The following SLC24A2 variants were observed in gnomAD, a reference collection of about 807,000 sequenced individuals.
SLC24A2 encodes solute carrier family 24 member 2.
In SLC24A2, 36 loss-of-function variants were observed where a neutral mutation model predicts 62.0. The ratio of observed to expected loss-of-function variants is 0.58; its 90% CI spans 0.44 to 0.77. SLC24A2 has a LOEUF of 0.77. SLC24A2 is among the 30% of genes least tolerant of loss of function. The pLI is 0.00. For missense variants in SLC24A2, 846 were observed against 817.9 expected (o/e 1.03, Z -0.42); for synonymous variants, 358 against 294.0 (o/e 1.22, Z -2.23).
At chr9:20,147,284 G>C in the SLC24A2 span, among the ~76,000 whole-genome samples, 1 of 152,220 alleles carries the variant, frequency 6.6e-6, no homozygotes, top group East Asian at 1.9e-4. Context: ...ATTTGAGATT[G>C]CCTCACCTCC....
intron 5 of SLC24A2, among the ~76,000 whole-genome samples, chr9:19,594,785 C>A (rs1051656469): frequency 2.6e-5 from 4 of 152,154 alleles, no homozygotes; most frequent in Admixed American, 2.6e-4. Flanking sequence ...ATATATTATT[C>A]TTATTTTCCA....
At chr9:19,763,653 G>C (rs1015119083) in intron 2 of SLC24A2, among the ~76,000 whole-genome samples, 2 of 152,162 alleles carry the variant, frequency 1.3e-5, no homozygotes, top group Non-Finnish European at 2.9e-5. Context: ...TGCATCCCAG[G>C]GATGAAGCTG....
chr9:19,560,014 T>C (rs899074071), intron 7 of SLC24A2, among the ~76,000 whole-genome samples: 3 of 152,130 alleles, frequency 2.0e-5, no homozygotes, highest in East Asian at 3.9e-4. Context: ...AAATGAACTT[T>C]TGGGACCCTG....
the SLC24A2 span, among the ~76,000 whole-genome samples, chr9:20,076,583 T>C: frequency 2.6e-5 from 4 of 152,018 alleles, no homozygotes; most frequent in Admixed American, 6.6e-5. Flanking sequence ...TTGTGACACC[T>C]TGATGTAAGC....
the SLC24A2 span, among the ~76,000 whole-genome samples, chr9:19,994,599 C>G: frequency 5.3e-5 from 8 of 152,304 alleles, 1 homozygote; most frequent in African/African-American, 1.9e-4. Flanking sequence ...TTACCACTCT[C>G]AGATTGAGAG....
intron 8 of SLC24A2, among the ~76,000 whole-genome samples, chr9:19,546,089 G>A (rs1364094919): frequency 2.0e-5 from 3 of 152,178 alleles, no homozygotes; most frequent in African/African-American, 4.8e-5. Context: ...TGTCTCATAC[G>A]GGCACCTGCC....
At chr9:20,059,675 C>T in the SLC24A2 span, among the ~76,000 whole-genome samples, 1 of 151,934 alleles carries the variant, frequency 6.6e-6, no homozygotes, top group Non-Finnish European at 1.5e-5. Context: ...TTATAACAAG[C>T]TGTAAATGCC....
the SLC24A2 span, among the ~76,000 whole-genome samples, chr9:19,896,443 G>T: frequency 6.6e-6 from 1 of 152,340 alleles, no homozygotes; most frequent in South Asian, 2.1e-4. Context: ...ACTAGGCATT[G>T]TTAAAAGAAC....
At chr9:20,254,120 C>T in the SLC24A2 span, among the ~76,000 whole-genome samples, 474 of 152,242 alleles carry the variant, frequency 3.1e-3, 4 homozygotes, top group Non-Finnish European at 4.5e-3. Context: ...AACCATATGG[C>T]AGAGATATTA....
At chr9:19,873,248 C>T in the SLC24A2 span, among the ~76,000 whole-genome samples, 2 of 151,318 alleles carry the variant, frequency 1.3e-5, no homozygotes, top group Non-Finnish European at 3.0e-5. Context: ...CCTCCTCTTT[C>T]TCTTTCTTCT....
the SLC24A2 span, among the ~76,000 whole-genome samples, chr9:20,275,706 T>C: frequency 1.1e-4 from 16 of 152,232 alleles, no homozygotes; most frequent in Admixed American, 8.5e-4. Context: ...CATTTTCATA[T>C]GGCTATGAAG....
chr9:19,618,273 G>C (rs566664006), intron 4 of SLC24A2, among the ~76,000 whole-genome samples: 1 of 152,164 alleles, frequency 6.6e-6, no homozygotes, highest in African/African-American at 2.4e-5. Context: ...TATCCCAGGG[G>C]AAAGAAAAGA....
the SLC24A2 span, among the ~76,000 whole-genome samples, chr9:19,905,085 T>A: frequency 6.6e-6 from 1 of 152,200 alleles, no homozygotes; most frequent in African/African-American, 2.4e-5. Context: ...TCTCAATTAA[T>A]AGATAAAGTA....
the SLC24A2 span, among the ~76,000 whole-genome samples, chr9:20,235,225 C>G: frequency 6.6e-6 from 1 of 152,226 alleles, no homozygotes; most frequent in African/African-American, 2.4e-5. Context: ...CAGCTGCGTA[C>G]TGGGAGAACC....
the SLC24A2 span, among the ~76,000 whole-genome samples, chr9:20,020,040 A>G: frequency 6.6e-6 from 1 of 152,246 alleles, no homozygotes; most frequent in African/African-American, 2.4e-5. Context: ...CACACCAGTT[A>G]GAATGGCAAT....
At chr9:19,747,715 T>C (rs530726067) in intron 2 of SLC24A2, among the ~76,000 whole-genome samples, 1 of 152,296 alleles carries the variant, frequency 6.6e-6, no homozygotes, top group East Asian at 1.9e-4. Flanking sequence ...ACAGGACAGA[T>C]CAAATGCAAA....
intron 4 of SLC24A2, among the ~76,000 whole-genome samples, chr9:19,602,589 G>T (rs763091700): frequency 2.6e-5 from 4 of 152,146 alleles, no homozygotes; most frequent in Non-Finnish European, 5.9e-5. Flanking sequence ...ATGACATAAA[G>T]ATATTAGGTT....
chr9:20,019,083 G>GAGAAAGAA, the SLC24A2 span, among the ~76,000 whole-genome samples: 13 of 106,072 alleles, frequency 1.2e-4, no homozygotes, highest in African/African-American at 1.7e-4. Flanking sequence ...CAGAGAAAGA[G>GAGAAAGAA]AGAAAGAAAG....
At position 19,576,817 on chromosome 9, in the gene SLC24A2, CGG is replaced by C. The variant is rs1285390531; in HGVS notation, c.1228+105_1228+106del. The C allele has an allele frequency of 7.0e-5, 57 of 813,506 alleles. No homozygotes were observed. In the East Asian group the frequency reaches 1.4e-3, roughly 20 times the overall value. The allele number at this position is 813,506 out of a possible 1,614,324, so 50.4% of individuals were successfully genotyped here. ...TGCACAGGGAAGGGCTGTGCTGCAG[CGG>C]TGTGTGTGTCTGCACTGAGTCAGGG... is the stretch of plus-strand genomic sequence containing the variant. On this transcript the variant is annotated intron_variant, in intron 6 of 10. Coordinates refer to ENST00000341998, the MANE Select transcript of SLC24A2 (RefSeq NM_020344.4).
Sources: allele counts gnomAD v4.1 joint callset (sites outside exome capture counted in the v4.1 genomes callset), GRCh38; gene constraint gnomAD v4.1.1; transcripts MANE v1.5; gene names NCBI Gene and HGNC (gene_info 2026-07-23, HGNC 2026-07-21).